Variants in C10orf67 observed in about 807,000 individuals in gnomAD.
The protein encoded by C10orf67 is uncharacterized protein C10orf67, mitochondrial.
A neutral mutation model predicts 35.6 loss-of-function variants in C10orf67; 60 were observed. The ratio of observed to expected loss-of-function variants is 1.68; its 90% CI spans 1.37 to 2.09. The LOEUF (loss-of-function observed/expected upper bound fraction) is 2.09, where lower values mean the gene tolerates loss of function less well. Ranked by LOEUF, C10orf67 falls within the 30% of genes most tolerant of loss-of-function variation. C10orf67 has a pLI of 0.00. For missense variants in C10orf67, 474 were observed against 330.2 expected (o/e 1.44, Z -3.38); for synonymous variants, 167 against 115.8 (o/e 1.44, Z -2.84).
chr10:23,202,466 A>ATTT (rs35255384), downstream of C10orf67: 6 of 143,126 alleles, frequency 4.2e-5, no homozygotes, highest in African/African-American at 1.5e-4. Flanking sequence ...CTCAGCAGGG[A>ATTT]TTTTTTTTTT....
chr10:23,242,387 A>G (rs1231896610), intron 12 of C10orf67, among the ~76,000 whole-genome samples: 1 of 152,244 alleles, frequency 6.6e-6, no homozygotes, highest in Non-Finnish European at 1.5e-5. Flanking sequence ...AAAAGCTGAG[A>G]GAATTATTTG....
chr10:23,212,070 C>A (rs902623903), intron 15 of C10orf67, among the ~76,000 whole-genome samples: 1 of 152,068 alleles, frequency 6.6e-6, no homozygotes. Flanking sequence ...TTAGGGTGGA[C>A]CTTAACCCAG....
chr10:23,256,355 C>G (rs547154794), intron 10 of C10orf67, among the ~76,000 whole-genome samples: 1 of 152,028 alleles, frequency 6.6e-6, no homozygotes, highest in African/African-American at 2.4e-5. Flanking sequence ...GCTTAGGAAG[C>G]AAAAAATGCC....
At chr10:23,265,585 A>C (rs1842865957) in intron 10 of C10orf67, among the ~76,000 whole-genome samples, 1 of 152,222 alleles carries the variant, frequency 6.6e-6, no homozygotes, top group Non-Finnish European at 1.5e-5. Flanking sequence ...TTGTAGAAAT[A>C]CAACTATCTT....
intron 2 of C10orf67, 38 bp downstream of exon 2, chr10:23,333,024 A>C (rs757379693): frequency 6.3e-6 from 10 of 1,595,404 alleles, no homozygotes; most frequent in African/African-American, 1.3e-5. Flanking sequence ...TTAACGCCAA[A>C]AATTATCTCA....
intron 1 of C10orf67, among the ~76,000 whole-genome samples, chr10:23,334,328 A>G (rs1310853249): frequency 2.0e-5 from 3 of 152,224 alleles, no homozygotes; most frequent in Non-Finnish European, 4.4e-5. Context: ...TAAGAAGGCA[A>G]TTTTCTGGAT....
At chr10:23,239,615 A>G in intron 13 of C10orf67, 114 bp downstream of exon 13, 2 of 509,342 alleles carry the variant, frequency 3.9e-6, no homozygotes, top group Non-Finnish European at 7.5e-6. Context: ...ACTGCCTTGT[A>G]CTATCTCTAG....
chr10:23,231,204 C>T (rs1448793830), intron 13 of C10orf67, among the ~76,000 whole-genome samples: 1 of 152,136 alleles, frequency 6.6e-6, no homozygotes, highest in Non-Finnish European at 1.5e-5. Context: ...TATTTGGCTG[C>T]ATAGACAGAG....
chr10:23,246,096 G>A (rs906445439), intron 12 of C10orf67, among the ~76,000 whole-genome samples: 1 of 152,158 alleles, frequency 6.6e-6, no homozygotes, highest in Admixed American at 6.6e-5. Context: ...AACTAACACA[G>A]GAACAGAAAA....
intron 13 of C10orf67, among the ~76,000 whole-genome samples, chr10:23,235,091 G>C (rs942305981): frequency 2.0e-5 from 3 of 150,916 alleles, no homozygotes; most frequent in Admixed American, 6.6e-5. Context: ...GATTTACTAG[G>C]AAAGCTATGT....
intron 12 of C10orf67, among the ~76,000 whole-genome samples, chr10:23,243,797 A>G (rs1191872139): frequency 1.3e-5 from 2 of 152,206 alleles, no homozygotes; most frequent in African/African-American, 4.8e-5. Context: ...ATTTTAACAG[A>G]TTAAAATTAT....
chr10:23,279,030 T>C (rs574622660), intron 8 of C10orf67, among the ~76,000 whole-genome samples: 22 of 152,258 alleles, frequency 1.4e-4, no homozygotes, highest in South Asian at 4.2e-4. Context: ...GGCAGGAGGA[T>C]TGCTTGAGTC....
rs530820457 is a variant in C10orf67, at chr10:23,233,093, G to A, written c.1434+6636C>T. ...AATCACTTGAGCTCAGAGGTTTGAT[G>A]TTACAGTGAGCTATGATCATGTTAC... On this transcript the variant is annotated intron_variant, in intron 13 of 15. Transcript: ENST00000636213. Among the ~76,000 whole-genome samples, 5 of 152,254 alleles carry A rather than the reference G, an allele frequency of 3.3e-5. No individual in the cohort carries two copies. The South Asian group carries it at 1.0e-3, about 32-fold the overall frequency.
intron 4 of C10orf67, among the ~76,000 whole-genome samples, chr10:23,303,920 C>G (rs1321461183): frequency 1.3e-5 from 2 of 152,168 alleles, no homozygotes; most frequent in African/African-American, 4.8e-5. Flanking sequence ...GCAGGCTGCA[C>G]CTAGGTGGCA....
In C10orf67 at chr10:23,312,930, T is replaced by C. The variant is rs1331369247; in HGVS notation, c.546+7811A>G. 3.3e-5 allele frequency among the ~76,000 whole-genome samples: 5 copies of C among 152,176 alleles called. No homozygotes were observed. In the East Asian group the frequency reaches 7.7e-4, roughly 23 times the overall value. On this transcript the variant is annotated intron_variant, in intron 4 of 15. Transcript: ENST00000636213. ...GAGGACTGCGTTCGGACTCAAGCTA[T>C]AACATCAAGTCTTTCCTGGGTCTCC...
chr10:23,247,603 G>A (rs1002848551), intron 12 of C10orf67, among the ~76,000 whole-genome samples: 1 of 152,128 alleles, frequency 6.6e-6, no homozygotes, highest in Admixed American at 6.6e-5. Flanking sequence ...TATATAATAT[G>A]AGGATATTAT....
chr10:23,330,915 G>A (rs1400226194), intron 2 of C10orf67, among the ~76,000 whole-genome samples: 1 of 151,228 alleles, frequency 6.6e-6, no homozygotes, highest in Non-Finnish European at 1.5e-5. Flanking sequence ...TGCTCTAGCG[G>A]AAGAAGTAAG....
chr10:23,304,098 A>C (rs995248215), intron 4 of C10orf67, among the ~76,000 whole-genome samples: 1 of 152,220 alleles, frequency 6.6e-6, no homozygotes, highest in African/African-American at 2.4e-5. Flanking sequence ...ATCCTGAATC[A>C]GCTCTGTAAC....
intron 7 of C10orf67, among the ~76,000 whole-genome samples, chr10:23,289,631 C>T (rs937975479): frequency 6.6e-6 from 1 of 152,230 alleles, no homozygotes; most frequent in Non-Finnish European, 1.5e-5. Context: ...CTTCAGACTT[C>T]TCTGTGTCAT....
Sources: gnomAD v4.1 joint callset for allele counts (sites outside exome capture counted in the v4.1 genomes callset) on GRCh38, gnomAD v4.1.1 for gene constraint, MANE v1.5 for transcripts, NCBI Gene and HGNC (gene_info 2026-07-23, HGNC 2026-07-21) for gene names.